Variants in MYT1L observed in about 807,000 individuals in gnomAD.
The protein encoded by MYT1L is myelin transcription factor 1-like protein.
Under a neutral mutation model 126.7 loss-of-function variants are expected in MYT1L, and 12 were observed. The ratio of observed to expected loss-of-function variants is 0.09; its 90% confidence interval spans 0.06 to 0.15. The LOEUF is 0.15. MYT1L is among the 10% of genes least tolerant of loss of function. The pLI, the probability that MYT1L is intolerant of heterozygous loss-of-function variation, is 1.00. For synonymous variants in MYT1L, 541 were observed against 604.2 expected (o/e 0.90, Z 1.53); for missense variants, 979 against 1,585.2 (o/e 0.62, Z 6.49).
At chr2:2,100,711 TA>T (rs2077967801) in intron 3 of MYT1L, among the ~76,000 whole-genome samples, 1 of 152,178 alleles carries the variant, frequency 6.6e-6, no homozygotes, top group Admixed American at 6.5e-5. Flanking sequence ...TTTCTTCTGC[TA>T]GTCCCCTGGG....
At chr2:2,176,462 C>T (rs922559830) in intron 2 of MYT1L, among the ~76,000 whole-genome samples, 15 of 151,670 alleles carry the variant, frequency 9.9e-5, no homozygotes, top group African/African-American at 2.7e-4. Flanking sequence ...CAGTTTTTGC[C>T]GTAGATCACC....
chr2:2,264,939 C>T (rs2095084743), intron 2 of MYT1L, among the ~76,000 whole-genome samples: 2 of 152,096 alleles, frequency 1.3e-5, no homozygotes, highest in South Asian at 4.1e-4. Context: ...AAAAGCACAA[C>T]ATTTGGAGGC....
chr2:2,262,145 AC>A (rs1485737392), intron 2 of MYT1L, among the ~76,000 whole-genome samples: 4 of 152,198 alleles, frequency 2.6e-5, no homozygotes, highest in African/African-American at 9.7e-5. Flanking sequence ...AGTGTCTGAC[AC>A]ATTGCAGGCA....
At chr2:2,144,754 A>G (rs749312060) in intron 3 of MYT1L, among the ~76,000 whole-genome samples, 8 of 152,170 alleles carry the variant, frequency 5.3e-5, no homozygotes, top group Non-Finnish European at 1.2e-4. Flanking sequence ...AACGTTTACA[A>G]TGTGCTTTAA....
intron 1 of MYT1L, among the ~76,000 whole-genome samples, chr2:2,320,241 C>T (rs768404486): frequency 6.6e-6 from 1 of 151,968 alleles, no homozygotes; most frequent in Non-Finnish European, 1.5e-5. Flanking sequence ...AGCCCCAGAG[C>T]CTCTGCCCTG....
chr2:1,981,537 TC>T (rs2060609702), intron 5 of MYT1L, among the ~76,000 whole-genome samples: 1 of 152,206 alleles, frequency 6.6e-6, no homozygotes, highest in Middle Eastern at 3.4e-3. Flanking sequence ...ATGCTGCAGG[TC>T]AAGGAGGTGC....
chr2:2,305,581 T>C (rs1010121547), intron 1 of MYT1L, among the ~76,000 whole-genome samples: 1 of 152,156 alleles, frequency 6.6e-6, no homozygotes, highest in Non-Finnish European at 1.5e-5. Flanking sequence ...TGTTAGTCCA[T>C]TCTCACACTG....
intron 9 of MYT1L, among the ~76,000 whole-genome samples, 167 bp downstream of exon 9, chr2:1,942,815 A>G (rs575381678): frequency 8.3e-4 from 127 of 152,338 alleles, no homozygotes; most frequent in Non-Finnish European, 1.3e-3. Context: ...AATCTGAAGA[A>G]TTCTTTAACA....
At chr2:2,093,708 G>A (rs942914838) in intron 3 of MYT1L, among the ~76,000 whole-genome samples, 4 of 152,160 alleles carry the variant, frequency 2.6e-5, no homozygotes, top group African/African-American at 7.2e-5. Context: ...GATCCCATTT[G>A]TCAATTTTGG....
At chr2:2,071,415 T>A (rs1031635555) in intron 3 of MYT1L, among the ~76,000 whole-genome samples, 1 of 152,202 alleles carries the variant, frequency 6.6e-6, no homozygotes, top group Non-Finnish European at 1.5e-5. Context: ...AAAATGTGAC[T>A]CTGTACTCAC....
intron 3 of MYT1L, among the ~76,000 whole-genome samples, chr2:2,139,033 C>T (rs2083515627): frequency 6.6e-6 from 1 of 151,756 alleles, no homozygotes. Context: ...AGCTTGGATT[C>T]TAGCAGGGAG....
intron 2 of MYT1L, among the ~76,000 whole-genome samples, chr2:2,206,962 TG>T (rs200607801): frequency 0.012 from 1,780 of 152,356 alleles, 20 homozygotes; most frequent in Non-Finnish European, 0.018. Context: ...TCATTCCCTA[TG>T]GAGAAAGCAT....
At chr2:1,807,765 A>T (rs1282984132) in intron 22 of MYT1L, among the ~76,000 whole-genome samples, 1 of 152,112 alleles carries the variant, frequency 6.6e-6, no homozygotes, top group Non-Finnish European at 1.5e-5. Flanking sequence ...TTGGAAACAA[A>T]GGGCCAAGCT....
At chr2:2,104,609 T>C (rs2078513829) in intron 3 of MYT1L, among the ~76,000 whole-genome samples, 1 of 152,220 alleles carries the variant, frequency 6.6e-6, no homozygotes, top group Non-Finnish European at 1.5e-5. Context: ...ACCTTTATGG[T>C]CTCTGCGTCC....
At chr2:1,967,458 C>T (rs1032683423) in intron 8 of MYT1L, among the ~76,000 whole-genome samples, 12 of 152,222 alleles carry the variant, frequency 7.9e-5, no homozygotes, top group African/African-American at 2.9e-4. Flanking sequence ...AGGGCCCTGA[C>T]TCACTGGTTC....
intron 2 of MYT1L, among the ~76,000 whole-genome samples, chr2:2,187,982 G>T (rs1355414592): frequency 6.6e-6 from 1 of 151,740 alleles, no homozygotes; most frequent in South Asian, 2.1e-4. Flanking sequence ...ATGCATATTT[G>T]CCTCTGTCTA....
intron 21 of MYT1L, among the ~76,000 whole-genome samples, chr2:1,838,693 T>G (rs1572718971): frequency 6.6e-6 from 1 of 152,144 alleles, no homozygotes; most frequent in Non-Finnish European, 1.5e-5. Context: ...CAAACAAAAA[T>G]GAATGAGGTT....
At chr2:2,123,056 G>T (rs1350063247) in intron 3 of MYT1L, among the ~76,000 whole-genome samples, 5 of 152,072 alleles carry the variant, frequency 3.3e-5, no homozygotes, top group Non-Finnish European at 7.4e-5. Context: ...ACGCTGGCTC[G>T]CCTGACCTTG....
chr2:2,164,498 C>T (rs1038557319), intron 3 of MYT1L, among the ~76,000 whole-genome samples: 3 of 152,096 alleles, frequency 2.0e-5, no homozygotes, highest in African/African-American at 7.2e-5. Context: ...CCGAGCTGTC[C>T]GAGTTTCCTA....
Sources: allele counts gnomAD v4.1 joint callset (sites outside exome capture counted in the v4.1 genomes callset), GRCh38; gene constraint gnomAD v4.1.1; transcripts MANE v1.5; gene names NCBI Gene and HGNC (gene_info 2026-07-23, HGNC 2026-07-21).